The following GNAI1 variants were observed in gnomAD, a reference collection of about 807,000 sequenced individuals.
GNAI1 encodes the protein G protein subunit alpha i1.
A neutral mutation model predicts 38.9 loss-of-function variants in GNAI1; 11 were observed. That is an observed-to-expected ratio of 0.28 (90% CI 0.18 to 0.47). The LOEUF (loss-of-function observed/expected upper bound fraction) is 0.47, where lower values mean the gene tolerates loss of function less well. GNAI1 is among the 20% of genes least tolerant of loss of function. GNAI1 has a pLI of 0.99. For missense variants in GNAI1, 317 were observed against 436.9 expected (o/e 0.73, Z 2.45); for synonymous variants, 166 against 145.1 (o/e 1.14, Z -1.04).
intron 1 of GNAI1, among the ~76,000 whole-genome samples, chr7:80,188,174 C>T (rs1219421231): frequency 6.6e-6 from 1 of 152,186 alleles, no homozygotes; most frequent in East Asian, 1.9e-4. Context: ...TGATCGAACA[C>T]ATATTCCATG....
rs563042304 is a variant in GNAI1, at chr7:80,221,779, A to G, written c.*4286A>G. Among the ~76,000 whole-genome samples the G allele has an allele frequency of 2.0e-5, 3 of 150,688 alleles. No homozygotes were observed. The highest frequency in any genetic ancestry group is 2.0e-4 in the East Asian group (1 of 5,004). ...TGCCTCAGCCTCCCGAGTAGCTGGG[A>G]TTACAGGCATGCGCCACTACACCCA... On this transcript the variant is annotated 3_prime_UTR_variant, in exon 8 of 8. Transcript: ENST00000649796.
Position 80,189,157 on chromosome 7 carries a change from A to G in GNAI1, c.229A>G (p.Thr77Ala), listed in dbSNP as rs773307363. 4.9e-5 allele frequency: 79 copies of G among 1,606,478 alleles called. No homozygotes were observed. The highest frequency in any genetic ancestry group is 6.5e-5 in the Non-Finnish European group (77 of 1,177,184). ...KQYKAVVYSNTIQSIIAIIRA... is the reference protein window; with the variant it reads ...KQYKAVVYSNAIQSIIAIIRA... Reference sequence around the variant, plus strand: ...ATACAAAGCAGTGGTCTACAGTAACACCATCCAGTCAATTATTGCTATCAT... The same window carrying G: ...ATACAAAGCAGTGGTCTACAGTAACGCCATCCAGTCAATTATTGCTATCAT... The change falls in exon 3 of 8, where the codon ACC becomes GCC. Residue 77 changes from threonine to alanine, a missense_variant. This residue lies in a region of GNAI1 where 40 missense variants were observed against 78.0 expected (regional missense o/e 0.51). Transcript: ENST00000649796.
intron 1 of GNAI1, among the ~76,000 whole-genome samples, chr7:80,185,335 C>G (rs1788369143): frequency 6.6e-6 from 1 of 152,156 alleles, no homozygotes; most frequent in South Asian, 2.1e-4. Context: ...GATAGTATTT[C>G]TGGCCTTAGA....
chr7:80,139,944 C>T (rs1209972767), intron 1 of GNAI1, among the ~76,000 whole-genome samples: 4 of 102,286 alleles, frequency 3.9e-5, no homozygotes, highest in Admixed American at 9.9e-5. Flanking sequence ...AAAGGTAGAT[C>T]TCATTTTCTA....
At chr7:80,172,177 A>G (rs981297407) in intron 1 of GNAI1, among the ~76,000 whole-genome samples, 1 of 152,194 alleles carries the variant, frequency 6.6e-6, no homozygotes, top group African/African-American at 2.4e-5. Flanking sequence ...AAAGATTTCT[A>G]TGGCTAGTGA....
rs1055708140 is a variant in GNAI1 at position 80,224,183 on chromosome 7, A to G, written c.*6690A>G. 6.6e-6 allele frequency among the ~76,000 whole-genome samples: 1 copy of G among 152,236 alleles called. No individual in the cohort carries two copies. The highest frequency in any genetic ancestry group is 1.5e-5 in the Non-Finnish European group (1 of 68,046). ...ATAAATATATAGAGAAAATGCATAC[A>G]TACATAATTTATTGAGTGCCTACTG... On this transcript the variant is annotated 3_prime_UTR_variant, in exon 8 of 8. Transcript: ENST00000649796.
rs1003318676 is a variant in GNAI1, at chr7:80,221,550, T to C, written c.*4057T>C. Among the ~76,000 whole-genome samples the C allele has an allele frequency of 2.0e-5, 3 of 151,798 alleles. No homozygotes were observed. Among genetic ancestry groups the C allele is most frequent in the African/African-American group, 7.2e-5 (3 of 41,440 alleles). Reference sequence around the variant, plus strand: ...TACTGGAAAATGAGAAAATGCAATCTCTAATCAACTTGAGGACACTTCTGT... The same window carrying C: ...TACTGGAAAATGAGAAAATGCAATCCCTAATCAACTTGAGGACACTTCTGT... On this transcript the variant is annotated 3_prime_UTR_variant, in exon 8 of 8. Coordinates refer to ENST00000649796, the MANE Select transcript of GNAI1 (RefSeq NM_002069.6).
chr7:80,139,682 AT>A (rs1384923157), intron 1 of GNAI1, among the ~76,000 whole-genome samples: 2 of 152,236 alleles, frequency 1.3e-5, no homozygotes, highest in East Asian at 3.8e-4. Flanking sequence ...ATGAGAGCAA[AT>A]AACTGTCCAG....
At chr7:80,163,548 A>G (rs1000708451) in intron 1 of GNAI1, among the ~76,000 whole-genome samples, 2 of 152,238 alleles carry the variant, frequency 1.3e-5, no homozygotes, top group African/African-American at 4.8e-5. Flanking sequence ...GAAACTGAGC[A>G]TTTTGAGTCC....
chr7:80,145,708 T>C (rs186469816), intron 1 of GNAI1, among the ~76,000 whole-genome samples: 1 of 152,228 alleles, frequency 6.6e-6, no homozygotes, highest in Non-Finnish European at 1.5e-5. Flanking sequence ...TTTGAAGTTC[T>C]TGAGCTTCAG....
chr7:80,146,755 A>G (rs1396517113), intron 1 of GNAI1, among the ~76,000 whole-genome samples: 3 of 152,292 alleles, frequency 2.0e-5, no homozygotes, highest in Non-Finnish European at 2.9e-5. Context: ...TATCCATTTC[A>G]TAAGCATTTC....
At position 80,135,072 on chromosome 7, in the gene GNAI1, G is replaced by T. The variant is rs1583996378; in HGVS notation, c.-89G>T. On this transcript the variant is annotated 5_prime_UTR_variant, in exon 1 of 8. Transcript: ENST00000649796. ...GGCCCCCGTCGGGAGGCGTTCGAACGCCCGCTAGGAGAGAGAAAGGATTCC... is the reference window on the plus strand; with the variant it reads ...GGCCCCCGTCGGGAGGCGTTCGAACTCCCGCTAGGAGAGAGAAAGGATTCC... 5.9e-6 allele frequency: 5 copies of T among 847,336 alleles called. No homozygotes were observed. Among genetic ancestry groups the T allele is most frequent in the South Asian group, 7.1e-5 (2 of 28,222 alleles). The allele number at this position is 847,336 out of a possible 1,614,324, so 52.5% of individuals were successfully genotyped here.
chr7:80,169,005 A>G (rs1788059196), intron 1 of GNAI1, among the ~76,000 whole-genome samples: 1 of 152,076 alleles, frequency 6.6e-6, no homozygotes, highest in Admixed American at 6.5e-5. Context: ...TGTTTCTTTA[A>G]TGTTGCTTGT....
chr7:80,152,227 T>G (rs554353474), intron 1 of GNAI1, among the ~76,000 whole-genome samples: 5 of 152,230 alleles, frequency 3.3e-5, no homozygotes, highest in African/African-American at 4.8e-5. Flanking sequence ...CTGTTATGCT[T>G]CTTTCCTTAT....
rs1004890978 is a variant in GNAI1, at chr7:80,218,028, T to C, written c.*535T>C. The C allele has an allele frequency of 2.0e-5, 3 of 152,594 alleles. No homozygotes were observed. The highest frequency in any genetic ancestry group is 4.4e-5 in the Non-Finnish European group (3 of 68,008). The allele number at this position is 152,594 out of a possible 1,614,324, so 9.5% of individuals were successfully genotyped here. The stretch of plus-strand genomic sequence containing the variant: ...TGTATACTTGTATTAATAAAAATGT[T>C]ATTTGTACAAACATTGCACAGACTA... On this transcript the variant is annotated 3_prime_UTR_variant, in exon 8 of 8. Transcript: ENST00000649796.
intron 1 of GNAI1, among the ~76,000 whole-genome samples, chr7:80,143,919 T>TGCGC (rs1294740793): frequency 8.1e-5 from 4 of 49,232 alleles, no homozygotes; most frequent in Non-Finnish European, 1.9e-4. Context: ...TGTGTGTGTG[T>TGCGC]GTGCGCGCGT....
At chr7:80,173,675 C>G (rs372012906) in intron 1 of GNAI1, among the ~76,000 whole-genome samples, 11 of 152,192 alleles carry the variant, frequency 7.2e-5, no homozygotes, top group Non-Finnish European at 1.5e-4. Flanking sequence ...ATGTGATGTT[C>G]TGTGCCTCCC....
intron 1 of GNAI1, among the ~76,000 whole-genome samples, chr7:80,174,177 T>G (rs1001809635): frequency 2.6e-5 from 4 of 152,212 alleles, no homozygotes; most frequent in Admixed American, 2.6e-4. Flanking sequence ...TACCATTTTT[T>G]TCTAAATAAA....
intron 1 of GNAI1, among the ~76,000 whole-genome samples, chr7:80,173,990 C>A (rs1305764430): frequency 6.6e-6 from 1 of 151,980 alleles, no homozygotes; most frequent in Non-Finnish European, 1.5e-5. Context: ...ATAAGGGGCC[C>A]AACTTGGGAG....
Sources: gnomAD v4.1 joint callset for allele counts (sites outside exome capture counted in the v4.1 genomes callset) on GRCh38, gnomAD v4.1.1 for gene constraint, gnomAD v4.1.1 regional missense constraint, MANE v1.5 for transcripts, NCBI Gene and HGNC (gene_info 2026-07-23, HGNC 2026-07-21) for gene names.